Variants in GCNT1 observed in about 807,000 individuals in gnomAD.
GCNT1 encodes beta-1,3-galactosyl-O-glycosyl-glycoprotein beta-1,6-N-acetylglucosaminyltransferase.
A neutral mutation model predicts 26.2 loss-of-function variants in GCNT1; 16 were observed. The observed-to-expected ratio is 0.61, with a 90% CI of 0.41 to 0.93. The LOEUF is 0.93. Ranked by LOEUF, GCNT1 falls within the 40% of genes least tolerant of loss-of-function variation. The pLI is 0.00. For synonymous variants in GCNT1, 183 were observed against 190.8 expected (o/e 0.96, Z 0.34); for missense variants, 477 against 526.7 (o/e 0.91, Z 0.92).
In GCNT1 at chr9:76,503,494, C is replaced by G. The variant is rs774591039; in HGVS notation, c.1113C>G (p.Pro371=). The change falls in exon 4 of 4, where the codon CCC becomes CCG. Residue 371 remains proline, a synonymous_variant. Transcript: ENST00000376730. ...TTTCCAAGGGTGCTCCCTACCCGCC[C>G]TGCGATGGAGTCCATGTGCGCTCAG... The part of the protein sequence containing the change: ...GDVSKGAPYP[P]CDGVHVRSVC... 6.2e-7 allele frequency: 1 copy of G among 1,614,190 alleles called. No homozygotes were observed. The highest frequency in any genetic ancestry group is 8.5e-7 in the Non-Finnish European group (1 of 1,180,038).
the GCNT1 span, among the ~76,000 whole-genome samples, chr9:76,400,169 T>C: frequency 3.3e-5 from 5 of 152,230 alleles, no homozygotes; most frequent in African/African-American, 1.2e-4. Context: ...TATGACATTA[T>C]GCATGTATCA....
At chr9:76,401,683 A>G in the GCNT1 span, among the ~76,000 whole-genome samples, 1 of 152,234 alleles carries the variant, frequency 6.6e-6, no homozygotes, top group Admixed American at 6.5e-5. Context: ...TGCCCAGGGA[A>G]TGAATAATTC....
chr9:76,413,288 C>G, the GCNT1 span, among the ~76,000 whole-genome samples: 9,702 of 152,202 alleles, frequency 0.064, 334 homozygotes, highest in Middle Eastern at 0.11. Context: ...TCACTATAAA[C>G]AAGTTTCCTG....
chr9:76,407,455 C>A, the GCNT1 span, among the ~76,000 whole-genome samples: 2 of 152,034 alleles, frequency 1.3e-5, no homozygotes, highest in African/African-American at 4.8e-5. Flanking sequence ...CTGTTCTGTT[C>A]TATTGATCTA....
At chr9:76,492,770 C>T (rs9696874) in intron 2 of GCNT1, among the ~76,000 whole-genome samples, 23,794 of 149,764 alleles carry the variant, frequency 0.16, 2,104 homozygotes, top group African/African-American at 0.23. Flanking sequence ...GATTGGCCTG[C>T]TCCATTTTCT....
chr9:76,442,659 C>T (rs892667827), intron 1 of GCNT1, among the ~76,000 whole-genome samples: 44 of 152,022 alleles, frequency 2.9e-4, no homozygotes, highest in African/African-American at 2.7e-4. Context: ...CCAGCCTGGG[C>T]GACAGAGTGA....
intron 1 of GCNT1, among the ~76,000 whole-genome samples, chr9:76,450,980 C>T (rs1823656513): frequency 6.6e-6 from 1 of 152,128 alleles, no homozygotes; most frequent in Admixed American, 6.6e-5. Context: ...CATTAAAGAA[C>T]TTACATGTAT....
intron 2 of GCNT1, among the ~76,000 whole-genome samples, chr9:76,476,122 AT>A (rs1386066105): frequency 6.6e-6 from 1 of 152,174 alleles, no homozygotes; most frequent in Admixed American, 6.5e-5. Flanking sequence ...TGACAGTCAC[AT>A]TTAGCAAACT....
chr9:76,465,167 T>A (rs2131598226), intron 2 of GCNT1, among the ~76,000 whole-genome samples: 1 of 151,916 alleles, frequency 6.6e-6, no homozygotes, highest in Non-Finnish European at 1.5e-5. Flanking sequence ...TTTTTTTTTT[T>A]TATTTTTTTT....
the GCNT1 span, among the ~76,000 whole-genome samples, chr9:76,412,701 G>T: frequency 6.6e-6 from 1 of 152,134 alleles, no homozygotes; most frequent in Non-Finnish European, 1.5e-5. Flanking sequence ...ACAGCTTCTG[G>T]TTCTCTACTT....
chr9:76,394,201 G>A, the GCNT1 span: 1 of 1,558,396 alleles, frequency 6.4e-7, no homozygotes, highest in Non-Finnish European at 8.7e-7. Context: ...ATGGGCTGCG[G>A]CCCGGTCTGC....
upstream of GCNT1, among the ~76,000 whole-genome samples, chr9:76,438,460 C>G (rs754644977): frequency 2.0e-5 from 3 of 152,136 alleles, no homozygotes; most frequent in Non-Finnish European, 4.4e-5. Flanking sequence ...AGACTGTAAA[C>G]TTTTCTTATC....
chr9:76,455,424 T>C (rs899514484), upstream of GCNT1, among the ~76,000 whole-genome samples: 1 of 152,186 alleles, frequency 6.6e-6, no homozygotes, highest in Admixed American at 6.5e-5. Context: ...ATGGCCTTGT[T>C]GTAAGTGTGA....
At chr9:76,453,830 G>A (rs1823709818) in intron 1 of GCNT1, among the ~76,000 whole-genome samples, 1 of 152,170 alleles carries the variant, frequency 6.6e-6, no homozygotes, top group Non-Finnish European at 1.5e-5. Flanking sequence ...TACCTGGGTG[G>A]GGCTGGTGGA....
chr9:76,477,293 C>T (rs1383238398), intron 2 of GCNT1, among the ~76,000 whole-genome samples: 4 of 148,834 alleles, frequency 2.7e-5, no homozygotes, highest in African/African-American at 1.0e-4. Context: ...TTTGGGAGGC[C>T]GAGGCGGGTG....
At chr9:76,478,959 T>C (rs1479791862) in intron 2 of GCNT1, among the ~76,000 whole-genome samples, 2 of 152,224 alleles carry the variant, frequency 1.3e-5, no homozygotes, top group African/African-American at 4.8e-5. Context: ...CTGCACCCAT[T>C]AACTTGTCAT....
chr9:76,493,972 TTGTC>T (rs1385867971), intron 2 of GCNT1, among the ~76,000 whole-genome samples: 23 of 152,022 alleles, frequency 1.5e-4, no homozygotes, highest in African/African-American at 5.6e-4. Flanking sequence ...GCAGGTCAGA[TTGTC>T]CCAGTGGCTT....
intron 2 of GCNT1, among the ~76,000 whole-genome samples, chr9:76,488,565 A>G (rs1483855002): frequency 2.6e-5 from 4 of 151,834 alleles, no homozygotes; most frequent in African/African-American, 9.7e-5. Context: ...GCTCACTACA[A>G]CCTCTTCCTC....
intron 1 of GCNT1, among the ~76,000 whole-genome samples, chr9:76,445,740 C>T (rs1587415190): frequency 2.6e-5 from 4 of 151,622 alleles, no homozygotes; most frequent in Admixed American, 2.6e-4. Flanking sequence ...TCTGGGAGGC[C>T]AAGGTGGAAG....
Sources: allele counts gnomAD v4.1 joint callset (sites outside exome capture counted in the v4.1 genomes callset), GRCh38; gene constraint gnomAD v4.1.1; transcripts MANE v1.5; gene names NCBI Gene and HGNC (gene_info 2026-07-23, HGNC 2026-07-21).